Variants in MSH3 observed in about 807,000 individuals in gnomAD.
MSH3 encodes the protein DNA mismatch repair protein Msh3.
MSH3 carries 106 observed loss-of-function variants against 123.3 expected under a neutral mutation model. The observed-to-expected ratio is 0.86, with a 90% confidence interval of 0.73 to 1.01. The LOEUF is 1.01. Among genes scored for constraint, MSH3 ranks in the 50% least tolerant of loss-of-function variants. The pLI is 0.00. For missense variants in MSH3, 1,459 were observed against 1,347.6 expected (o/e 1.08, Z -1.29); for synonymous variants, 515 against 481.4 (o/e 1.07, Z -0.91).
At chr5:80,737,318 G>T (rs189579294) in intron 10 of MSH3, among the ~76,000 whole-genome samples, 51 of 151,896 alleles carry the variant, frequency 3.4e-4, no homozygotes, top group Admixed American at 4.6e-4. Context: ...CTGTACCCTT[G>T]TTGCCTTTGT....
chr5:80,838,899 A>G (rs1465005916), intron 20 of MSH3, among the ~76,000 whole-genome samples: 1 of 152,178 alleles, frequency 6.6e-6, no homozygotes, highest in Admixed American at 6.5e-5. Flanking sequence ...AATCTTGTAG[A>G]CTAGAAGCTC....
chr5:80,786,066 A>G (rs33009), intron 17 of MSH3, among the ~76,000 whole-genome samples: 133,251 of 151,556 alleles, frequency 0.88, 58,728 homozygotes, highest in East Asian at 1. Context: ...TGGGTGCAGC[A>G]CACCAGCATG....
chr5:80,787,723 T>G (rs1202270847), intron 18 of MSH3, 51 bp downstream of exon 18: 13 of 1,178,582 alleles, frequency 1.1e-5, no homozygotes, highest in Non-Finnish European at 1.7e-5. Flanking sequence ...TAAGATGACA[T>G]TATTCAATTA....
chr5:80,660,571 CTG>C (rs543350033), intron 2 of MSH3, among the ~76,000 whole-genome samples: 86 of 152,234 alleles, frequency 5.6e-4, no homozygotes, highest in African/African-American at 1.9e-3. Flanking sequence ...AACAAGGTAA[CTG>C]TATATTGGAA....
intron 20 of MSH3, among the ~76,000 whole-genome samples, chr5:80,815,886 G>A (rs1745095023): frequency 6.6e-6 from 1 of 152,184 alleles, no homozygotes; most frequent in Non-Finnish European, 1.5e-5. Flanking sequence ...CTGTCACAGG[G>A]TGTGGAATCA....
At chr5:80,831,501 G>A (rs890231753) in intron 20 of MSH3, among the ~76,000 whole-genome samples, 2 of 151,936 alleles carry the variant, frequency 1.3e-5, no homozygotes, top group African/African-American at 4.8e-5. Context: ...ACTAATTCAC[G>A]CTTTTTATGC....
At chr5:80,726,075 C>T (rs1247318895) in intron 9 of MSH3, among the ~76,000 whole-genome samples, 2 of 152,136 alleles carry the variant, frequency 1.3e-5, no homozygotes, top group African/African-American at 4.8e-5. Flanking sequence ...AATTAAAACA[C>T]CAGAATCTAG....
At chr5:80,824,094 C>A (rs750732001) in intron 20 of MSH3, among the ~76,000 whole-genome samples, 9 of 152,252 alleles carry the variant, frequency 5.9e-5, no homozygotes, top group Non-Finnish European at 1.2e-4. Flanking sequence ...ATGTCTACTT[C>A]TTTCTACACA....
chr5:80,685,201 CTT>C (rs70991171), intron 8 of MSH3, among the ~76,000 whole-genome samples: 28,190 of 107,582 alleles, frequency 0.26, 3,106 homozygotes, highest in Middle Eastern at 0.36. Flanking sequence ...AAGTATTCTC[CTT>C]TTTTTTTTTT....
intron 2 of MSH3, among the ~76,000 whole-genome samples, chr5:80,659,749 A>C (rs948671786): frequency 6.6e-6 from 1 of 152,082 alleles, no homozygotes; most frequent in Non-Finnish European, 1.5e-5. Context: ...TTTATCTTGC[A>C]TTCCTATAAC....
chr5:80,775,837 G>GCC, intron 16 of MSH3, 79 bp downstream of exon 16: 1 of 788,432 alleles, frequency 1.3e-6, no homozygotes, highest in Non-Finnish European at 2.2e-6. Context: ...GCTCATCGTA[G>GCC]CCACATTCTT....
At chr5:80,696,996 G>A (rs2112834966) in intron 8 of MSH3, among the ~76,000 whole-genome samples, 1 of 152,246 alleles carries the variant, frequency 6.6e-6, no homozygotes, top group East Asian at 1.9e-4. Flanking sequence ...ATTTTTAAAA[G>A]CACAACCAGT....
At position 80,767,920 on chromosome 5, in the gene MSH3, T is replaced by C; in HGVS notation, c.1897-13T>C. On this transcript the variant is annotated splice_polypyrimidine_tract_variant and intron_variant, in intron 13 of 23. Coordinates refer to ENST00000265081, the MANE Select transcript of MSH3 (RefSeq NM_002439.5). ...ATCTTATGCTATTTCATAAAAAATA[T>C]TTCTATTTTCAGTGTTCTACCCAAG... The C allele has an allele frequency of 6.4e-7, 1 of 1,570,726 alleles. No homozygotes were observed. Among genetic ancestry groups the C allele is most frequent in the Non-Finnish European group, 8.8e-7 (1 of 1,140,880 alleles).
chr5:80,851,400 TATA>T, intron 20 of MSH3, among the ~76,000 whole-genome samples: 1 of 152,308 alleles, frequency 6.6e-6, no homozygotes, highest in African/African-American at 2.4e-5. Flanking sequence ...ACAATATATA[TATA>T]GAATGTGAAT....
chr5:80,778,927 A>T (rs1744358491), intron 17 of MSH3, 91 bp downstream of exon 17: 2 of 770,964 alleles, frequency 2.6e-6, no homozygotes, highest in Admixed American at 3.8e-5. Flanking sequence ...TAGAGATTAC[A>T]GCTCATGACC....
chr5:80,727,560 A>G (rs1743324217), intron 9 of MSH3, among the ~76,000 whole-genome samples: 2 of 152,238 alleles, frequency 1.3e-5, no homozygotes, highest in South Asian at 2.1e-4. Flanking sequence ...ACAATTTGGC[A>G]TATATCCTTG....
At chr5:80,855,120 G>A (rs984014503) in intron 21 of MSH3, among the ~76,000 whole-genome samples, 1 of 151,850 alleles carries the variant, frequency 6.6e-6, no homozygotes, top group Non-Finnish European at 1.5e-5. Flanking sequence ...TTCTATCCCT[G>A]TCATTTCCAT....
intron 8 of MSH3, among the ~76,000 whole-genome samples, chr5:80,722,857 C>T (rs1751111635): frequency 6.6e-6 from 1 of 152,158 alleles, no homozygotes; most frequent in African/African-American, 2.4e-5. Context: ...ATAATCCCAG[C>T]ACTTTGGGAG....
intron 22 of MSH3, among the ~76,000 whole-genome samples, chr5:80,866,268 A>G (rs911656096): frequency 1.3e-5 from 2 of 152,152 alleles, no homozygotes. Flanking sequence ...CCTCCCCGGT[A>G]GCTGGGACTA....
Sources: gnomAD v4.1 joint callset for allele counts (sites outside exome capture counted in the v4.1 genomes callset) on GRCh38, gnomAD v4.1.1 for gene constraint, MANE v1.5 for transcripts, NCBI Gene and HGNC (gene_info 2026-07-23, HGNC 2026-07-21) for gene names.